COL20A1: variants seen among roughly 807,000 people sequenced by gnomAD.
The protein encoded by COL20A1 is collagen type XX alpha 1 chain, also known as collagen alpha-1(XX) chain.
Under a neutral mutation model 152.9 loss-of-function variants are expected in COL20A1, and 164 were observed. The observed-to-expected ratio is 1.07, with a 90% confidence interval of 0.94 to 1.22. The LOEUF (loss-of-function observed/expected upper bound fraction) is 1.22, where lower values mean the gene tolerates loss of function less well. Among genes scored for constraint, COL20A1 ranks in the 50% most tolerant of loss-of-function variants. The pLI, the probability that COL20A1 is intolerant of heterozygous loss-of-function variation, is 0.00. For synonymous variants in COL20A1, 864 were observed against 756.0 expected (o/e 1.14, Z -2.34); for missense variants, 1,873 against 1,744.8 (o/e 1.07, Z -1.31).
chr20:63,307,897 T>G, intron 6 of COL20A1, 74 bp from the exon 7 acceptor site: 1 of 1,558,434 alleles, frequency 6.4e-7, no homozygotes, highest in Non-Finnish European at 8.8e-7. Flanking sequence ...AGCTCTCAGG[T>G]GTGGCCTTGT....
At chr20:63,321,733 A>G (rs532360809) in intron 26 of COL20A1, among the ~76,000 whole-genome samples, 12 of 152,278 alleles carry the variant, frequency 7.9e-5, no homozygotes, top group South Asian at 6.2e-4. Flanking sequence ...CCAAGGTTCC[A>G]GCGCCCCACA....
At chr20:63,314,671 C>T (rs2123410369) in intron 19 of COL20A1, among the ~76,000 whole-genome samples, 1 of 152,262 alleles carries the variant, frequency 6.6e-6, no homozygotes, top group East Asian at 1.9e-4. Flanking sequence ...AGCTGCTCCT[C>T]CCATCAGGAG....
intron 27 of COL20A1, chr20:63,325,044 G>C: frequency 3.0e-6 from 1 of 334,514 alleles, no homozygotes; most frequent in Non-Finnish European, 5.8e-6. Context: ...GCTTGGCTCT[G>C]CCATTCTCTA....
At position 63,305,427 on chromosome 20, in the gene COL20A1, A is replaced by T. The variant is rs752102024; in HGVS notation, c.204A>T (p.Glu68Asp). 1 of 1,561,782 alleles carries T rather than the reference A, an allele frequency of 6.4e-7. No homozygotes were observed. Among genetic ancestry groups the T allele is most frequent in the East Asian group, 2.4e-5 (1 of 42,468 alleles). ...VQVKPMAGDS[E>D]QEVILTTKTP... ...CCCACCCCTACCCAGGGGACTCGGA[A>T]CAGGAGGTGATACTGACCACCAAGA... The change falls in exon 4 of 36, where the codon GAA becomes GAT. Residue 68 changes from glutamate (E) to aspartate (D), a missense_variant. Coordinates refer to ENST00000358894, the MANE Select transcript of COL20A1 (RefSeq NM_020882.4). The surrounding 1 kb of genome is among the most constrained non-coding windows in gnomAD (Gnocchi z 4.9).
chr20:63,317,813 G>A (rs1238521644), intron 21 of COL20A1, among the ~76,000 whole-genome samples: 1 of 151,970 alleles, frequency 6.6e-6, no homozygotes, highest in African/African-American at 2.4e-5. Flanking sequence ...TCCTCTCTGG[G>A]CAGCAGGCTG....
chr20:63,305,741 C>T lies in COL20A1; in HGVS notation c.338-140C>T. ...CCGACTCACCAGCAAGGCTGCCTTG[C>T]CCCTGACATCTTTGCATGCCTCCCA... On this transcript the variant is annotated intron_variant, in intron 4 of 35. Transcript: ENST00000358894. The surrounding 1 kb of genome is among the most constrained non-coding windows in gnomAD (Gnocchi z 4.9). 4 of 1,092,348 alleles carry T rather than the reference C, an allele frequency of 3.7e-6. No individual in the cohort carries two copies. Among genetic ancestry groups the T allele is most frequent in the South Asian group, 1.5e-5 (1 of 65,802 alleles). The allele number at this position is 1,092,348 out of a possible 1,614,324, so 67.7% of individuals were successfully genotyped here.
At chr20:63,315,277 C>T (rs1433657175) in intron 19 of COL20A1, 127 bp from the exon 20 acceptor site, 7 of 927,514 alleles carry the variant, frequency 7.5e-6, no homozygotes, top group Non-Finnish European at 1.2e-5. Flanking sequence ...GGACATAGCA[C>T]AGTCCCACCT....
At position 63,315,541 on chromosome 20, in the gene COL20A1, G is replaced by A. The variant is rs1264518579; in HGVS notation, c.2524+102G>A. On this transcript the variant is annotated intron_variant, in intron 20 of 35. Transcript: ENST00000358894. ...TCGTGACCTGGGACCCAGTGGTGGT[G>A]CAGTTGGAGGATGTTTGGGCGGGTT... 5 of 1,084,630 alleles carry A rather than the reference G, an allele frequency of 4.6e-6. No individual in the cohort carries two copies. The African/African-American group carries it at 7.9e-5, about 17-fold the overall frequency. 67.2% of individuals were successfully genotyped at this position (1,084,630 alleles called of 1,614,324 possible).
rs1272543692 is a variant in COL20A1 at position 63,316,621 on chromosome 20, GAGCCC to G, written c.2594_2598del (p.Glu865ValfsTer23). 3 of 1,581,868 alleles carry G rather than the reference GAGCCC, an allele frequency of 1.9e-6. No individual in the cohort carries two copies. Among genetic ancestry groups the G allele is most frequent in the Non-Finnish European group, 2.6e-6 (3 of 1,164,390 alleles). On this transcript the variant is annotated frameshift_variant, in exon 21 of 36. Transcript: ENST00000358894. LOFTEE classifies it high-confidence loss of function. ...TGCGTCCATCCGGGGCGTGGCCATG[GAGCCC>G]TCTGCCTTCGGTGGGACCCCGACCT...
In COL20A1 at chr20:63,307,495, C is replaced by T. The variant is rs756585464; in HGVS notation, c.502C>T (p.Pro168Ser). ...ACCCGCTCCCACCGCCCCAGCCGGC[C>T]CCCAGTTCCGCTGCCTGCCCCCCGT... is the stretch of plus-strand genomic sequence containing the variant. Reference protein sequence around the residue: ...PSQDPRTPAGPQFRCLPPVPA... With the variant: ...PSQDPRTPAGSQFRCLPPVPA... Residue 168 changes from proline to serine, a missense_variant, in exon 6 of 36, where the codon CCC becomes TCC. Coordinates refer to ENST00000358894, the MANE Select transcript of COL20A1 (RefSeq NM_020882.4). 1.2e-6 allele frequency: 2 copies of T among 1,611,478 alleles called. No individual in the cohort carries two copies. Among genetic ancestry groups the T allele is most frequent in the South Asian group, 1.1e-5 (1 of 91,038 alleles).
chr20:63,318,072 T>C (rs906930293), intron 21 of COL20A1, among the ~76,000 whole-genome samples: 1 of 152,098 alleles, frequency 6.6e-6, no homozygotes, highest in African/African-American at 2.4e-5. Flanking sequence ...TGAGTCCCTG[T>C]TCTCAAATGA....
chr20:63,308,188 T>TGTATAGCTCCAAGCTATAAA, intron 7 of COL20A1, 98 bp downstream of exon 7: 1 of 1,455,006 alleles, frequency 6.9e-7, no homozygotes, highest in Non-Finnish European at 9.4e-7. Context: ...GAGCTCCAAG[T>TGTATAGCTCCAAGCTATAAA]GGTGTGGACC....
At chr20:63,307,444 C>G (rs755249952) in intron 5 of COL20A1, 46 bp from the exon 6 acceptor site, 1 of 1,572,306 alleles carries the variant, frequency 6.4e-7, no homozygotes, top group Non-Finnish European at 8.6e-7. Context: ...GGCCTTGGAC[C>G]AGGGATGGGC....
At chr20:63,310,340 C>A in intron 10 of COL20A1, 41 bp from the exon 11 acceptor site, 1 of 1,604,176 alleles carries the variant, frequency 6.2e-7, no homozygotes, top group Non-Finnish European at 8.5e-7. Context: ...CATCCCCCGG[C>A]ACCCCCCTTC....
Position 63,319,161 on chromosome 20 carries a change from G to A in COL20A1, c.2767G>A (p.Ala923Thr), listed in dbSNP as rs370769673. ...GGCCTTCGCGCTGTGGCAGATGACA[G>A]CCGAGGACTTCCAGCCCCTCCTTGG... The part of the protein sequence containing the change: ...REAFALWQMT[A>T]EDFQPLLGVL... The change falls in exon 22 of 36, where the codon GCC (alanine) becomes ACC (threonine). Residue 923 changes from alanine to threonine, a missense_variant. Coordinates refer to ENST00000358894, the MANE Select transcript of COL20A1 (RefSeq NM_020882.4). The surrounding 1 kb of genome is among the most constrained non-coding windows in gnomAD (Gnocchi z 4.4). 69 of 1,612,626 alleles carry A rather than the reference G, an allele frequency of 4.3e-5. No homozygotes were observed. Among genetic ancestry groups the A allele is most frequent in the East Asian group, 3.3e-4 (15 of 44,824 alleles).
At chr20:63,325,330 C>T (rs752785797) in intron 27 of COL20A1, 111 bp from the exon 28 acceptor site, 8 of 851,138 alleles carry the variant, frequency 9.4e-6, no homozygotes, top group Admixed American at 5.8e-5. Flanking sequence ...CAGGGCTCGC[C>T]GGGGACCCAG....
chr20:63,308,213 A>T (rs963270650), intron 7 of COL20A1, 123 bp downstream of exon 7: 1 of 1,198,186 alleles, frequency 8.3e-7, no homozygotes, highest in South Asian at 1.5e-5. Context: ...CCCTGTTCAC[A>T]CCTTTATAGA....
chr20:63,312,634 G>A, intron 15 of COL20A1, 85 bp downstream of exon 15: 1 of 1,487,176 alleles, frequency 6.7e-7, no homozygotes, highest in Non-Finnish European at 9.0e-7. Flanking sequence ...CAAGTGTTTT[G>A]GGAGCCTGCC....
chr20:63,324,992 G>A (rs41310205), intron 27 of COL20A1: 1 of 296,020 alleles, frequency 3.4e-6, no homozygotes, highest in Non-Finnish European at 6.6e-6. Context: ...GAGTTGGGCA[G>A]GGGAGGGCTG....
Sources: allele counts gnomAD v4.1 joint callset (sites outside exome capture counted in the v4.1 genomes callset), GRCh38; gene constraint gnomAD v4.1.1; non-coding constraint Gnocchi (gnomAD v3.1); transcripts MANE v1.5; gene names NCBI Gene and HGNC (gene_info 2026-07-23, HGNC 2026-07-21).